Variants in RASSF8 observed in about 807,000 individuals in gnomAD.
The protein encoded by RASSF8 is ras association domain-containing protein 8.
A neutral mutation model predicts 48.5 loss-of-function variants in RASSF8; 22 were observed. The observed-to-expected ratio is 0.45, with a 90% confidence interval of 0.32 to 0.65. RASSF8 has a LOEUF of 0.65. Among genes scored for constraint, RASSF8 ranks in the 30% least tolerant of loss-of-function variants. The pLI is 0.03. For missense variants in RASSF8, 418 were observed against 489.2 expected (o/e 0.85, Z 1.37); for synonymous variants, 127 against 171.5 (o/e 0.74, Z 2.03).
chr12:26,073,950 C>T (rs1291725784), downstream of RASSF8, among the ~76,000 whole-genome samples: 1 of 142,998 alleles, frequency 7.0e-6, no homozygotes, highest in African/African-American at 2.6e-5. Flanking sequence ...AATTTCCCAT[C>T]TATATATATA....
chr12:26,008,256 G>A (rs1235655255), intron 2 of RASSF8, among the ~76,000 whole-genome samples: 1 of 151,508 alleles, frequency 6.6e-6, no homozygotes, highest in Non-Finnish European at 1.5e-5. Context: ...GGGCAACACA[G>A]CGAGACTCCG....
At chr12:26,060,943 A>G in intron 3 of RASSF8, among the ~76,000 whole-genome samples, 1 of 152,164 alleles carries the variant, frequency 6.6e-6, no homozygotes, top group South Asian at 2.1e-4. Flanking sequence ...TCCAATATTC[A>G]TCTTTGGGGT....
rs141986513 is a variant in RASSF8 at position 26,004,826 on chromosome 12, A to T, written c.-109+9696A>T. On this transcript the variant is annotated intron_variant, in intron 2 of 5. Transcript: ENST00000689635. ...GCAAAATGAAATTATTAGTCATTGTACATTTAAATTGTTCATTGAAAAAAA... is the reference window on the plus strand; with the variant it reads ...GCAAAATGAAATTATTAGTCATTGTTCATTTAAATTGTTCATTGAAAAAAA... Among the ~76,000 whole-genome samples the T allele has an allele frequency of 9.4e-4, 143 of 152,236 alleles. 1 individual carries two copies. The East Asian group carries it at 0.021, about 23-fold the overall frequency.
In RASSF8 at chr12:25,971,883, C is replaced by G. The variant is rs368648249; in HGVS notation, c.-203+12735C>G. 3.9e-5 allele frequency among the ~76,000 whole-genome samples: 6 copies of G among 152,290 alleles called. No individual in the cohort carries two copies. In the South Asian group the frequency reaches 1.2e-3, roughly 32 times the overall value. On this transcript the variant is annotated intron_variant, in intron 1 of 5. Transcript: ENST00000689635. The stretch of plus-strand genomic sequence containing the variant: ...ATCTGAGCACTTGTGATTTCAATCA[C>G]GAGAGTGAGAAGTCCAGATTGGTTT...
chr12:26,051,405 T>TA (rs1943487231), intron 2 of RASSF8, among the ~76,000 whole-genome samples: 1 of 152,224 alleles, frequency 6.6e-6, no homozygotes. Context: ...ATATTCCTGT[T>TA]AGTTTTTGGG....
chr12:26,065,490 A>G, intron 4 of RASSF8, 103 bp downstream of exon 4: 1 of 1,406,272 alleles, frequency 7.1e-7, no homozygotes, highest in African/African-American at 1.4e-5. Context: ...TCAAAGAATT[A>G]GAAACCCAGC....
chr12:26,042,495 G>T (rs1943286455), intron 2 of RASSF8, among the ~76,000 whole-genome samples: 2 of 152,048 alleles, frequency 1.3e-5, no homozygotes, highest in Admixed American at 1.3e-4. Flanking sequence ...GGTGGAGCAT[G>T]TCTTCTTTCC....
chr12:26,009,089 T>C (rs989062636), intron 2 of RASSF8, among the ~76,000 whole-genome samples: 3 of 152,222 alleles, frequency 2.0e-5, no homozygotes, highest in African/African-American at 7.2e-5. Flanking sequence ...TCAAGTTATA[T>C]GATGCTTAGC....
At chr12:25,981,361 A>T (rs1419030341) in intron 1 of RASSF8, among the ~76,000 whole-genome samples, 1 of 152,106 alleles carries the variant, frequency 6.6e-6, no homozygotes, top group Admixed American at 6.5e-5. Context: ...CAGTCTCCAT[A>T]TGGTAACCTT....
chr12:26,007,241 C>T (rs79208569), intron 2 of RASSF8, among the ~76,000 whole-genome samples: 6,984 of 152,192 alleles, frequency 0.046, 193 homozygotes, highest in Middle Eastern at 0.095. Context: ...CTAGGCCCCA[C>T]GTCCCCACTG....
intron 1 of RASSF8, among the ~76,000 whole-genome samples, chr12:25,964,052 C>T (rs963970021): frequency 6.6e-5 from 10 of 152,316 alleles, no homozygotes; most frequent in Non-Finnish European, 1.3e-4. Flanking sequence ...AGGTGATTTG[C>T]CTCGTGTAGG....
At chr12:26,073,774 C>CAT (rs1367232547), downstream of RASSF8, among the ~76,000 whole-genome samples, 5 of 124,074 alleles carry the variant, frequency 4.0e-5, no homozygotes, top group Middle Eastern at 4.0e-3. Context: ...CACACACACA[C>CAT]ACATATATAT....
chr12:26,010,515 C>T (rs1942497184), intron 2 of RASSF8, among the ~76,000 whole-genome samples: 1 of 151,786 alleles, frequency 6.6e-6, no homozygotes, highest in African/African-American at 2.4e-5. Flanking sequence ...CCTGCCCCTC[C>T]TGATTACCCC....
chr12:26,060,372 A>C (rs1391959175), intron 3 of RASSF8, among the ~76,000 whole-genome samples: 1 of 152,146 alleles, frequency 6.6e-6, no homozygotes, highest in Non-Finnish European at 1.5e-5. Context: ...TATCACTGTT[A>C]TTCTAAGATA....
At chr12:26,077,462 G>A (rs1273350893), downstream of RASSF8, among the ~76,000 whole-genome samples, 5 of 152,166 alleles carry the variant, frequency 3.3e-5, no homozygotes, top group Non-Finnish European at 5.9e-5. Context: ...AAGGGATCCA[G>A]TTTCAGCTTT....
intron 2 of RASSF8, among the ~76,000 whole-genome samples, chr12:25,996,278 A>G (rs1312711866): frequency 3.3e-5 from 5 of 152,264 alleles, no homozygotes; most frequent in Non-Finnish European, 4.4e-5. Flanking sequence ...AAGGAAAAGC[A>G]TAAGAAAAAA....
intron 2 of RASSF8, among the ~76,000 whole-genome samples, chr12:26,014,806 G>A (rs1380944609): frequency 6.6e-6 from 1 of 152,060 alleles, no homozygotes; most frequent in Non-Finnish European, 1.5e-5. Flanking sequence ...GGCTGTAATT[G>A]TGGAAATAAA....
At chr12:26,078,980 T>A in intron 5 of RASSF8, 1 of 1,501,476 alleles carries the variant, frequency 6.7e-7, no homozygotes, top group South Asian at 1.3e-5. Flanking sequence ...CAAAAACAAA[T>A]TCACCAACCT....
chr12:26,034,865 C>T (rs557357669), intron 2 of RASSF8, among the ~76,000 whole-genome samples: 38 of 152,036 alleles, frequency 2.5e-4, no homozygotes, highest in South Asian at 2.3e-3. Context: ...TAAAAAACAC[C>T]ATACAGCAGA....
Sources: gnomAD v4.1 joint callset for allele counts (sites outside exome capture counted in the v4.1 genomes callset) on GRCh38, gnomAD v4.1.1 for gene constraint, MANE v1.5 for transcripts, NCBI Gene and HGNC (gene_info 2026-07-23, HGNC 2026-07-21) for gene names.